CSMD3: variants seen among roughly 807,000 people sequenced by gnomAD.
The protein encoded by CSMD3 is CUB and sushi domain-containing protein 3.
In CSMD3, 177 loss-of-function variants were observed where a neutral mutation model predicts 435.2. That is an observed-to-expected ratio of 0.41 (90% CI 0.36 to 0.46). The LOEUF is 0.46. Ranked by LOEUF, CSMD3 falls within the 20% of genes least tolerant of loss-of-function variation. The pLI is 0.34. For synonymous variants in CSMD3, 1,656 were observed against 1,520.5 expected, an observed-to-expected ratio of 1.09 and a Z score of -2.07; for missense variants, 4,265 against 4,504.6, an observed-to-expected ratio of 0.95 and a Z score of 1.52.
At chr8:113,323,895 A>G (rs2132721134) in intron 1 of CSMD3, among the ~76,000 whole-genome samples, 1 of 152,282 alleles carries the variant, frequency 6.6e-6, no homozygotes, top group South Asian at 2.1e-4. Flanking sequence ...TTGATCACTA[A>G]CCAATATTTC....
intron 27 of CSMD3, among the ~76,000 whole-genome samples, chr8:112,517,854 G>T (rs1823844187): frequency 6.6e-6 from 1 of 152,142 alleles, no homozygotes; most frequent in African/African-American, 2.4e-5. Context: ...AAGGATTATG[G>T]CACTTTCTTA....
At chr8:113,044,701 T>A (rs751835083) in intron 5 of CSMD3, among the ~76,000 whole-genome samples, 1 of 149,114 alleles carries the variant, frequency 6.7e-6, no homozygotes, top group Non-Finnish European at 1.5e-5. Context: ...GGCCCACATG[T>A]TACCAAAGTT....
intron 60 of CSMD3, among the ~76,000 whole-genome samples, chr8:112,264,192 A>G (rs1472519072): frequency 6.6e-6 from 1 of 152,102 alleles, no homozygotes; most frequent in Non-Finnish European, 1.5e-5. Context: ...TTGTTTAACT[A>G]TATATAGTAT....
intron 51 of CSMD3, 119 bp downstream of exon 51, chr8:112,305,888 G>T: frequency 1.2e-6 from 1 of 848,608 alleles, no homozygotes; most frequent in South Asian, 1.4e-5. Flanking sequence ...TTTTATTTCT[G>T]ACTTAGACAT....
intron 3 of CSMD3, among the ~76,000 whole-genome samples, chr8:113,194,730 T>A (rs2092631085): frequency 6.6e-6 from 1 of 151,096 alleles, no homozygotes; most frequent in Non-Finnish European, 1.5e-5. Context: ...TTTTTTAAAT[T>A]TTTCGAAAAA....
chr8:113,056,609 T>C (rs963520678), intron 5 of CSMD3, among the ~76,000 whole-genome samples: 3 of 152,220 alleles, frequency 2.0e-5, no homozygotes, highest in Non-Finnish European at 4.4e-5. Context: ...AGAGTCATCT[T>C]TGAATTATCT....
intron 27 of CSMD3, among the ~76,000 whole-genome samples, chr8:112,541,370 T>G (rs1173025296): frequency 1.3e-5 from 2 of 151,788 alleles, no homozygotes; most frequent in African/African-American, 4.8e-5. Flanking sequence ...TGAGATTCCC[T>G]TAGCTATTCC....
At chr8:113,186,027 T>C (rs539759284) in intron 3 of CSMD3, among the ~76,000 whole-genome samples, 1 of 152,004 alleles carries the variant, frequency 6.6e-6, no homozygotes, top group East Asian at 1.9e-4. Context: ...TGAGAAGGTA[T>C]AAAAGGAGCC....
intron 5 of CSMD3, among the ~76,000 whole-genome samples, chr8:113,073,893 A>G (rs1218893514): frequency 6.6e-6 from 1 of 151,792 alleles, no homozygotes; most frequent in African/African-American, 2.4e-5. Flanking sequence ...GCTGAAATAT[A>G]TGTCCTCTTC....
intron 38 of CSMD3, among the ~76,000 whole-genome samples, chr8:112,361,419 T>C (rs919634888): frequency 2.0e-5 from 3 of 151,418 alleles, no homozygotes; most frequent in African/African-American, 7.3e-5. Flanking sequence ...ACATTACTAA[T>C]ATTTATTTAT....
At chr8:112,847,458 C>G (rs2080356041) in intron 11 of CSMD3, among the ~76,000 whole-genome samples, 1 of 152,114 alleles carries the variant, frequency 6.6e-6, no homozygotes, top group South Asian at 2.1e-4. Flanking sequence ...TGAGATCCAG[C>G]AGAGGCTTGG....
chr8:112,796,034 CACGT>C (rs1316985424), intron 13 of CSMD3, among the ~76,000 whole-genome samples: 11 of 152,172 alleles, frequency 7.2e-5, no homozygotes, highest in Non-Finnish European at 1.5e-4. Flanking sequence ...TGTGCATGTG[CACGT>C]GCATGCCTAT....
At chr8:113,301,059 T>C (rs113365275) in intron 2 of CSMD3, among the ~76,000 whole-genome samples, 10 of 148,558 alleles carry the variant, frequency 6.7e-5, no homozygotes, top group South Asian at 2.1e-4. Flanking sequence ...CTTAGGGATG[T>C]TCATGTATGA....
At chr8:113,316,818 G>GA in intron 1 of CSMD3, among the ~76,000 whole-genome samples, 1 of 1,010 alleles carries the variant, frequency 9.9e-4, no homozygotes, top group South Asian at 0.045. Flanking sequence ...CAAAAATGCT[G>GA]GATTACAGGA....
intron 10 of CSMD3, among the ~76,000 whole-genome samples, chr8:112,861,363 T>C (rs1307559077): frequency 1.3e-5 from 2 of 151,894 alleles, no homozygotes; most frequent in African/African-American, 4.8e-5. Context: ...GAGTATAAAA[T>C]TATTCCTGTG....
At chr8:112,395,528 G>A (rs1277262571) in intron 35 of CSMD3, among the ~76,000 whole-genome samples, 1 of 152,140 alleles carries the variant, frequency 6.6e-6, no homozygotes, top group Non-Finnish European at 1.5e-5. Context: ...AGACTTTCAA[G>A]TAAAAGTAGT....
intron 7 of CSMD3, among the ~76,000 whole-genome samples, chr8:112,960,698 TA>T (rs1301913835): frequency 2.6e-5 from 4 of 151,576 alleles, no homozygotes; most frequent in Non-Finnish European, 5.9e-5. Flanking sequence ...AAATAAAAAT[TA>T]AAAAAAGTTC....
In CSMD3 at chr8:112,492,523, T is replaced by C. The variant is rs766923869; in HGVS notation, c.5244A>G (p.Arg1748=). 6.2e-7 allele frequency: 1 copy of C among 1,613,976 alleles called. No individual in the cohort carries two copies. Among genetic ancestry groups the C allele is most frequent in the South Asian group, 1.1e-5 (1 of 91,086 alleles). ...TLTCIMGDDG[R]PGWNRALPSC... is the part of the protein sequence containing the mutation. The stretch of plus-strand genomic sequence containing the variant: ...TTGGCAAGGCTCTATTCCATCCAGG[T>C]CTTCCATCATCTCCCATGATACAGG... The change falls in exon 31 of 71, where the codon AGA becomes AGG. Residue 1748 remains arginine, a synonymous_variant. Coordinates refer to ENST00000297405, the MANE Select transcript of CSMD3 (RefSeq NM_198123.2).
At chr8:112,511,659 G>A (rs1048350175) in intron 28 of CSMD3, among the ~76,000 whole-genome samples, 2 of 152,052 alleles carry the variant, frequency 1.3e-5, no homozygotes, top group Admixed American at 6.6e-5. Context: ...CAAAGTGCTG[G>A]GATTACAGAC....
Sources: gnomAD v4.1 joint callset for allele counts (sites outside exome capture counted in the v4.1 genomes callset) on GRCh38, gnomAD v4.1.1 for gene constraint, MANE v1.5 for transcripts, NCBI Gene and HGNC (gene_info 2026-07-23, HGNC 2026-07-21) for gene names.